Variants in SLIT2 observed in about 807,000 individuals in gnomAD.
SLIT2 encodes slit homolog 2 protein.
In SLIT2, 41 loss-of-function variants were observed where a neutral mutation model predicts 185.7. That is an observed-to-expected ratio of 0.22 (90% CI 0.17 to 0.29). SLIT2 has a LOEUF of 0.29. Ranked by LOEUF, SLIT2 falls within the 10% of genes least tolerant of loss-of-function variation. The pLI is 1.00. For missense variants in SLIT2, 1,571 were observed against 1,909.0 expected, an observed-to-expected ratio of 0.82 and a Z score of 3.30; for synonymous variants, 693 against 680.2, an observed-to-expected ratio of 1.02 and a Z score of -0.29.
intron 26 of SLIT2, among the ~76,000 whole-genome samples, chr4:20,563,013 G>A (rs1724819089): frequency 1.3e-5 from 2 of 151,742 alleles, no homozygotes; most frequent in South Asian, 4.1e-4. Context: ...GTGGTGTCAG[G>A]TGCGTAACTA....
At chr4:20,419,988 G>A (rs1728040994) in intron 4 of SLIT2, among the ~76,000 whole-genome samples, 1 of 152,086 alleles carries the variant, frequency 6.6e-6, no homozygotes, top group Admixed American at 6.6e-5. Flanking sequence ...GTTCTGTGCA[G>A]CTGTCTCTAT....
intron 9 of SLIT2, among the ~76,000 whole-genome samples, chr4:20,507,574 A>T (rs1172552499): frequency 6.6e-6 from 1 of 151,802 alleles, no homozygotes; most frequent in Non-Finnish European, 1.5e-5. Context: ...TCACAAATGT[A>T]TGAACATCTC....
intron 21 of SLIT2, among the ~76,000 whole-genome samples, chr4:20,543,349 A>T (rs912356665): frequency 1.3e-5 from 2 of 152,164 alleles, no homozygotes; most frequent in African/African-American, 4.8e-5. Context: ...CTCATGCTAC[A>T]GTTGCAGAAT....
chr4:20,333,740 T>C (rs1341372593), intron 4 of SLIT2, among the ~76,000 whole-genome samples: 1 of 152,188 alleles, frequency 6.6e-6, no homozygotes, highest in African/African-American at 2.4e-5. Context: ...ACAGTTCCTT[T>C]ATTAATTTGT....
intron 4 of SLIT2, among the ~76,000 whole-genome samples, chr4:20,320,043 A>G (rs1718928903): frequency 6.6e-6 from 1 of 152,070 alleles, no homozygotes. Context: ...GTTTCCAGGG[A>G]TGTAGTCACT....
rs1337810213 is a variant in SLIT2, at chr4:20,255,085, G to C, written c.179+1091G>C. ...AGTCCGGCCGCCCTAGGCACGTTCC[G>C]CTCTCGCGGTTGCGTGTGGGCCGGG... On this transcript the variant is annotated intron_variant, in intron 1 of 36. Coordinates refer to ENST00000504154, the MANE Select transcript of SLIT2 (RefSeq NM_004787.4). The C allele has an allele frequency of 6.6e-6, 3 of 455,790 alleles. No homozygotes were observed. In the East Asian group the frequency reaches 2.1e-4, roughly 32 times the overall value. The allele number at this position is 455,790 out of a possible 1,614,324, so 28.2% of individuals were successfully genotyped here.
intron 9 of SLIT2, among the ~76,000 whole-genome samples, chr4:20,501,158 T>A (rs1005547162): frequency 7.9e-5 from 12 of 152,222 alleles, no homozygotes; most frequent in African/African-American, 2.7e-4. Flanking sequence ...GTTTTCATAT[T>A]ATGATTTCAT....
In SLIT2 at chr4:20,261,710, C is replaced by T. The variant is rs28739404; in HGVS notation, c.323+3771C>T. Among the ~76,000 whole-genome samples the T allele has an allele frequency of 7.4e-3, 1,121 of 151,840 alleles. 20 individuals are homozygous for T. Among genetic ancestry groups the T allele is most frequent in the African/African-American group, 0.026 (1,074 of 41,492 alleles). On this transcript the variant is annotated intron_variant, in intron 3 of 36. Coordinates refer to ENST00000504154, the MANE Select transcript of SLIT2 (RefSeq NM_004787.4). ...TTATAGGATGTTTTATTATTTACTC[C>T]AAGACTGAAAAGTGAAATGCATATA... is the stretch of plus-strand genomic sequence containing the variant.
At position 20,322,338 on chromosome 4, in the gene SLIT2, T is replaced by C. The variant is rs150316631; in HGVS notation, c.395+53457T>C. On this transcript the variant is annotated intron_variant, in intron 4 of 36. Transcript: ENST00000504154. ...GAGACATCAGTCAACACATGTAAGA[T>C]GAACATTGATTCGGTCCAGAAACGC... Among the ~76,000 whole-genome samples the C allele has an allele frequency of 1.2e-3, 186 of 152,236 alleles. 1 individual carries two copies. The highest frequency in any genetic ancestry group is 4.2e-3 in the African/African-American group (176 of 41,548).
intron 4 of SLIT2, among the ~76,000 whole-genome samples, chr4:20,412,304 A>T (rs1235799324): frequency 6.6e-6 from 1 of 152,018 alleles, no homozygotes; most frequent in Non-Finnish European, 1.5e-5. Context: ...AGTAGGTTTG[A>T]TGTATAGCTG....
intron 4 of SLIT2, among the ~76,000 whole-genome samples, chr4:20,456,448 T>C (rs1344131402): frequency 2.0e-5 from 3 of 152,110 alleles, no homozygotes; most frequent in Admixed American, 1.3e-4. Context: ...AATGCCCTCC[T>C]CTTTGAAAAG....
At chr4:20,336,812 A>G (rs934089213) in intron 4 of SLIT2, among the ~76,000 whole-genome samples, 3 of 152,196 alleles carry the variant, frequency 2.0e-5, no homozygotes, top group African/African-American at 7.2e-5. Context: ...CTTTTCAGTC[A>G]CTTACTTTCC....
intron 4 of SLIT2, among the ~76,000 whole-genome samples, chr4:20,402,070 C>T (rs1036514359): frequency 6.6e-6 from 1 of 151,710 alleles, no homozygotes; most frequent in Non-Finnish European, 1.5e-5. Context: ...CTCTGAACCT[C>T]TAAGAGCAGT....
At chr4:20,529,224 A>G in intron 16 of SLIT2, 125 bp downstream of exon 16, 2 of 653,740 alleles carry the variant, frequency 3.1e-6, no homozygotes, top group Non-Finnish European at 4.9e-6. Flanking sequence ...TATGCATTAC[A>G]TTGGCATAAC....
intron 9 of SLIT2, among the ~76,000 whole-genome samples, chr4:20,494,801 A>G (rs1028791112): frequency 2.0e-5 from 3 of 152,022 alleles, no homozygotes; most frequent in Non-Finnish European, 4.4e-5. Flanking sequence ...AAGTACTAAA[A>G]TAATACAGAC....
Position 20,397,716 on chromosome 4 carries a change from G to T in SLIT2, c.396-70036G>T, listed in dbSNP as rs147863684. ...TTCCTGTTTTAATTTTTTAAATTGA[G>T]ACTATTTTTAGAGCAGTTTACATTT... On this transcript the variant is annotated intron_variant, in intron 4 of 36. Coordinates refer to ENST00000504154, the MANE Select transcript of SLIT2 (RefSeq NM_004787.4). 9.7e-4 allele frequency among the ~76,000 whole-genome samples: 147 copies of T among 151,862 alleles called. 1 individual carries two copies. The highest frequency in any genetic ancestry group is 3.3e-3 in the African/African-American group (136 of 41,462).
intron 4 of SLIT2, among the ~76,000 whole-genome samples, chr4:20,455,726 G>A (rs571136336): frequency 6.6e-6 from 1 of 151,994 alleles, no homozygotes. Context: ...GGTGATGGTT[G>A]CACAACTGCA....
chr4:20,524,217 A>G, intron 14 of SLIT2, 40 bp downstream of exon 14: 1 of 1,595,596 alleles, frequency 6.3e-7, no homozygotes, highest in South Asian at 1.1e-5. Context: ...GACCAACAAC[A>G]ATGGTTACAT....
chr4:20,347,783 G>A (rs546008378), intron 4 of SLIT2, among the ~76,000 whole-genome samples: 8 of 152,242 alleles, frequency 5.3e-5, no homozygotes, highest in African/African-American at 1.7e-4. Context: ...TGTGTAATAC[G>A]GCAGATGCAA....
Sources: allele counts gnomAD v4.1 joint callset (sites outside exome capture counted in the v4.1 genomes callset), GRCh38; gene constraint gnomAD v4.1.1; transcripts MANE v1.5; gene names NCBI Gene and HGNC (gene_info 2026-07-23, HGNC 2026-07-21).